Variants in FAM162A observed in about 807,000 individuals in gnomAD.
The protein encoded by FAM162A is protein FAM162A.
In FAM162A, 23 loss-of-function variants were observed where a neutral mutation model predicts 21.8. That is an observed-to-expected ratio of 1.05 (90% CI 0.76 to 1.49). The LOEUF is 1.49. Among genes scored for constraint, FAM162A ranks in the 40% most tolerant of loss-of-function variants. The pLI is 0.00. For missense variants in FAM162A, 165 were observed against 186.4 expected, an observed-to-expected ratio of 0.89 and a Z score of 0.67; for synonymous variants, 53 against 61.3, an observed-to-expected ratio of 0.86 and a Z score of 0.64.
chr3:122,409,694 C>T (rs777462765), intron 4 of FAM162A, 45 bp from the exon 5 acceptor site: 3 of 1,561,464 alleles, frequency 1.9e-6, no homozygotes, highest in Non-Finnish European at 2.6e-6. Flanking sequence ...GACACCCTCC[C>T]CTGACCAGCA....
At chr3:122,403,571 G>A (rs1318368541) in intron 2 of FAM162A, among the ~76,000 whole-genome samples, 1 of 152,126 alleles carries the variant, frequency 6.6e-6, no homozygotes, top group Non-Finnish European at 1.5e-5. Flanking sequence ...TGACTCAGAT[G>A]GCATATATTC....
chr3:122,406,338 G>A (rs550846111), intron 3 of FAM162A, among the ~76,000 whole-genome samples: 1 of 152,332 alleles, frequency 6.6e-6, no homozygotes, highest in East Asian at 1.9e-4. Context: ...GCTGAGGCAG[G>A]AGGATCGCTT....
At chr3:122,396,093 A>G (rs2075625987) in intron 1 of FAM162A, among the ~76,000 whole-genome samples, 1 of 152,198 alleles carries the variant, frequency 6.6e-6, no homozygotes, top group Non-Finnish European at 1.5e-5. Flanking sequence ...TAAAATTCTT[A>G]GAATATAGGA....
At chr3:122,394,265 G>A (rs771845470) in intron 1 of FAM162A, among the ~76,000 whole-genome samples, 1 of 152,098 alleles carries the variant, frequency 6.6e-6, no homozygotes, top group Non-Finnish European at 1.5e-5. Flanking sequence ...AACACTGGGG[G>A]TTACATTTCA....
intron 1 of FAM162A, among the ~76,000 whole-genome samples, chr3:122,393,454 C>G (rs1476843962): frequency 6.6e-6 from 1 of 152,076 alleles, no homozygotes; most frequent in Non-Finnish European, 1.5e-5. Context: ...TCTTGAAAAC[C>G]AACAGCCTCA....
intron 1 of FAM162A, among the ~76,000 whole-genome samples, chr3:122,389,935 G>T (rs1375578129): frequency 6.6e-6 from 1 of 152,004 alleles, no homozygotes; most frequent in Non-Finnish European, 1.5e-5. Context: ...CAACTTGGTG[G>T]TACAAAGGTT....
At chr3:122,396,741 G>A (rs73188330) in intron 1 of FAM162A, among the ~76,000 whole-genome samples, 2,686 of 152,274 alleles carry the variant, frequency 0.018, 45 homozygotes, top group East Asian at 0.087. Context: ...ATGTCCATTA[G>A]TTGACTAATG....
chr3:122,385,196 A>C (rs1252399505), intron 1 of FAM162A, among the ~76,000 whole-genome samples: 4 of 152,236 alleles, frequency 2.6e-5, no homozygotes, highest in African/African-American at 9.7e-5. Context: ...TGCAAAAAAA[A>C]AGAGTGAATG....
chr3:122,393,762 C>T (rs1422425935), intron 1 of FAM162A, among the ~76,000 whole-genome samples: 3 of 152,136 alleles, frequency 2.0e-5, no homozygotes, highest in Non-Finnish European at 4.4e-5. Flanking sequence ...GATGTCCATC[C>T]TGACATCTGG....
At chr3:122,392,400 A>T (rs1054104243) in intron 1 of FAM162A, among the ~76,000 whole-genome samples, 1 of 152,192 alleles carries the variant, frequency 6.6e-6, no homozygotes, top group Non-Finnish European at 1.5e-5. Flanking sequence ...AGTCCTGGAG[A>T]TGGATAGTAG....
chr3:122,405,966 G>A (rs947768512), intron 3 of FAM162A, among the ~76,000 whole-genome samples: 8 of 152,072 alleles, frequency 5.3e-5, no homozygotes, highest in East Asian at 1.9e-4. Context: ...GGAGAACCCC[G>A]TCCACATGCT....
intron 4 of FAM162A, among the ~76,000 whole-genome samples, chr3:122,408,192 C>G (rs2075685585): frequency 6.6e-6 from 1 of 152,138 alleles, no homozygotes; most frequent in Admixed American, 6.5e-5. Context: ...CCCCATAACC[C>G]TAAGAGGTAA....
intron 1 of FAM162A, among the ~76,000 whole-genome samples, chr3:122,387,240 T>C (rs1427647706): frequency 6.6e-6 from 1 of 152,228 alleles, no homozygotes; most frequent in African/African-American, 2.4e-5. Context: ...TGATTATTAG[T>C]TCAAAGGAAT....
chr3:122,402,749 C>T lies in FAM162A; in HGVS notation c.35-11C>T, dbSNP rs770086231. On this transcript the variant is annotated splice_polypyrimidine_tract_variant and intron_variant, in intron 1 of 4. Transcript: ENST00000477892. Reference sequence around the variant, plus strand: ...CTTTCTTTCTTTGAAACATTTTCCTCTCTTTTTTAGGAAGCTGTTTTAGGT... The same window carrying T: ...CTTTCTTTCTTTGAAACATTTTCCTTTCTTTTTTAGGAAGCTGTTTTAGGT... 4.7e-6 allele frequency: 7 copies of T among 1,489,284 alleles called. No individual in the cohort carries two copies. The highest frequency in any genetic ancestry group is 1.4e-5 in the South Asian group (1 of 69,148). The allele number at this position is 1,489,284 out of a possible 1,614,324, so 92.3% of individuals were successfully genotyped here. A position where few individuals can be genotyped will look rare whatever the true frequency, so the allele number is the denominator to read the frequency against.
At chr3:122,406,110 A>G (rs1371743225) in intron 3 of FAM162A, among the ~76,000 whole-genome samples, 1 of 152,202 alleles carries the variant, frequency 6.6e-6, no homozygotes, top group Non-Finnish European at 1.5e-5. Context: ...TTTAAAAGTA[A>G]TATATGTTAA....
chr3:122,408,942 CA>C (rs2075690838), intron 4 of FAM162A, among the ~76,000 whole-genome samples: 1 of 151,962 alleles, frequency 6.6e-6, no homozygotes, highest in South Asian at 2.1e-4. Flanking sequence ...CTTTTGAACT[CA>C]ATGTGATTTG....
In FAM162A at chr3:122,411,593, C is replaced by T. The variant is rs1480880721; in HGVS notation, c.*1762C>T. The T allele has an allele frequency of 6.7e-6, 1 of 149,350 alleles. No individual in the cohort carries two copies. The highest frequency in any genetic ancestry group is 1.5e-5 in the Non-Finnish European group (1 of 67,688). 9.3% of individuals were successfully genotyped at this position (149,350 alleles called of 1,614,324 possible). A position where few individuals can be genotyped will look rare whatever the true frequency, so the allele number is the denominator to read the frequency against. On this transcript the variant is annotated 3_prime_UTR_variant, in exon 5 of 5. Transcript: ENST00000477892. ...TTTTTTTGAGACAGTCTTGCACTGT[C>T]GCCCAGGCTAGAGTGCAGGGCATGA...
intron 3 of FAM162A, among the ~76,000 whole-genome samples, chr3:122,405,066 C>T (rs556872726): frequency 2.8e-4 from 43 of 152,302 alleles, no homozygotes; most frequent in African/African-American, 9.6e-4. Flanking sequence ...CCAAGGGGCA[C>T]GAGCGGGGTG....
Position 122,402,855 on chromosome 3 carries a change from C to A in FAM162A, c.130C>A (p.Pro44Thr). ...LKRINGFCTK[P>T]QESPGAPSRT... ...GAGAATAAATGGATTTTGCACAAAA[C>A]CACAGGAAAGTCCCGGAGCTCCATC... The change falls in exon 2 of 5, where the codon CCA becomes ACA. Residue 44 changes from proline (P) to threonine (T), a missense_variant. Coordinates refer to ENST00000477892, the MANE Select transcript of FAM162A (RefSeq NM_014367.4). The A allele has an allele frequency of 1.2e-6, 2 of 1,605,940 alleles. No individual in the cohort carries two copies. The highest frequency in any genetic ancestry group is 3.3e-4 in the Middle Eastern group (2 of 6,050).
Sources: gnomAD v4.1 joint callset for allele counts (sites outside exome capture counted in the v4.1 genomes callset) on GRCh38, gnomAD v4.1.1 for gene constraint, MANE v1.5 for transcripts, NCBI Gene and HGNC (gene_info 2026-07-23, HGNC 2026-07-21) for gene names.